Variants in PPARGC1B observed in about 807,000 individuals in gnomAD.
PPARGC1B encodes the protein peroxisome proliferator-activated receptor gamma coactivator 1-beta.
Under a neutral mutation model 101.6 loss-of-function variants are expected in PPARGC1B, and 34 were observed. The ratio of observed to expected loss-of-function variants is 0.33; its 90% CI spans 0.25 to 0.45. PPARGC1B has a LOEUF of 0.45. Ranked by LOEUF, PPARGC1B falls within the 20% of genes least tolerant of loss-of-function variation. The pLI, the probability that PPARGC1B is intolerant of heterozygous loss-of-function variation, is 1.00. For synonymous variants in PPARGC1B, 548 were observed against 539.3 expected, an observed-to-expected ratio of 1.02 and a Z score of -0.22; for missense variants, 1,234 against 1,317.6, an observed-to-expected ratio of 0.94 and a Z score of 0.98.
At position 149,808,847 on chromosome 5, in the gene PPARGC1B, T is replaced by G. The variant is rs572042150; in HGVS notation, c.79-11586T>G. Among the ~76,000 whole-genome samples, 10 of 152,310 alleles carry G rather than the reference T, an allele frequency of 6.6e-5. 1 individual carries two copies. The South Asian group carries it at 2.1e-3, about 32-fold the overall frequency. ...AACCCAGACACAGCCCCTGCTCACATGGAGCTGCCAGTTGTGGGAGGCAGC... is the reference window on the plus strand; with the variant it reads ...AACCCAGACACAGCCCCTGCTCACAGGGAGCTGCCAGTTGTGGGAGGCAGC... On this transcript the variant is annotated intron_variant, in intron 1 of 11. Transcript: ENST00000309241.
At chr5:149,827,612 G>A (rs1021899892) in intron 3 of PPARGC1B, among the ~76,000 whole-genome samples, 3 of 152,138 alleles carry the variant, frequency 2.0e-5, no homozygotes, top group African/African-American at 7.2e-5. Context: ...GAAATTCCTG[G>A]GTCTGTGGAT....
intron 1 of PPARGC1B, among the ~76,000 whole-genome samples, chr5:149,805,655 G>A (rs1303985513): frequency 6.6e-6 from 1 of 152,188 alleles, no homozygotes; most frequent in African/African-American, 2.4e-5. Flanking sequence ...GGCCAGGCTG[G>A]TCTCGAACTC....
chr5:149,760,653 A>G (rs989252636), intron 1 of PPARGC1B, among the ~76,000 whole-genome samples: 1 of 152,342 alleles, frequency 6.6e-6, no homozygotes, highest in South Asian at 2.1e-4. Context: ...TGGAGCCCAA[A>G]TGCTATGCTT....
At chr5:149,762,349 G>T (rs1238461316) in intron 1 of PPARGC1B, among the ~76,000 whole-genome samples, 1 of 152,052 alleles carries the variant, frequency 6.6e-6, no homozygotes, top group Non-Finnish European at 1.5e-5. Flanking sequence ...GTTTTACCAT[G>T]TAGCCCAGGC....
intron 1 of PPARGC1B, among the ~76,000 whole-genome samples, chr5:149,815,343 G>A (rs1467265413): frequency 2.0e-5 from 3 of 152,014 alleles, no homozygotes; most frequent in African/African-American, 7.3e-5. Flanking sequence ...GGGGCAATTG[G>A]GGCACAGAGA....
chr5:149,806,832 C>T (rs1581075795), intron 1 of PPARGC1B, among the ~76,000 whole-genome samples: 1 of 151,976 alleles, frequency 6.6e-6, no homozygotes, highest in East Asian at 1.9e-4. Flanking sequence ...CTCTCGAACT[C>T]CTGTCCTCAG....
At position 149,853,124 on chromosome 5, in the gene PPARGC1B, C is replaced by T. The variant is rs1042980701; in HGVS notation, c.*5566C>T. On this transcript the variant is annotated 3_prime_UTR_variant, in exon 12 of 12. Coordinates refer to ENST00000309241, the MANE Select transcript of PPARGC1B (RefSeq NM_133263.4). The surrounding 1 kb of genome is among the most constrained non-coding windows in gnomAD (Gnocchi z 4.2). ...AAAGCTTCCTTTTTCACTTGACCACCCTTGCTCATTGGTTACTTGTGAAGG... is the reference window on the plus strand; with the variant it reads ...AAAGCTTCCTTTTTCACTTGACCACTCTTGCTCATTGGTTACTTGTGAAGG... The T allele has an allele frequency of 2.0e-5, 3 of 152,130 alleles. No individual in the cohort carries two copies. The highest frequency in any genetic ancestry group is 7.2e-5 in the African/African-American group (3 of 41,398). 9.4% of individuals were successfully genotyped at this position (152,130 alleles called of 1,614,324 possible).
chr5:149,807,498 C>T (rs544065550), intron 1 of PPARGC1B, among the ~76,000 whole-genome samples: 9 of 152,298 alleles, frequency 5.9e-5, no homozygotes, highest in Non-Finnish European at 1.0e-4. Context: ...AGCGAGTAGA[C>T]TGCCAGAGGA....
At chr5:149,815,401 G>A (rs991732833) in intron 1 of PPARGC1B, among the ~76,000 whole-genome samples, 16 of 151,994 alleles carry the variant, frequency 1.1e-4, no homozygotes, top group African/African-American at 3.9e-4. Context: ...GGAGAAAATG[G>A]TCATGTACAA....
At chr5:149,758,641 A>G (rs964199828) in intron 1 of PPARGC1B, among the ~76,000 whole-genome samples, 1 of 152,164 alleles carries the variant, frequency 6.6e-6, no homozygotes, top group Non-Finnish European at 1.5e-5. Context: ...GGTACAACAC[A>G]TGCCCCCAGG....
chr5:149,842,236 C>G lies in PPARGC1B; in HGVS notation c.2695-20C>G, dbSNP rs1168584408. The G allele has an allele frequency of 1.2e-6, 2 of 1,610,948 alleles. No individual in the cohort carries two copies. The highest frequency in any genetic ancestry group is 1.7e-6 in the Non-Finnish European group (2 of 1,178,374). On this transcript the variant is annotated intron_variant, in intron 9 of 11. Transcript: ENST00000309241. ...AGCCAGGCAATGACGGAGTCTCTCT[C>G]TGTCCTCCTTCTTGGGCAGGGGGAA... is the stretch of plus-strand genomic sequence containing the variant.
At position 149,823,537 on chromosome 5, in the gene PPARGC1B, G is replaced by A. The variant is rs571462189; in HGVS notation, c.252+2931G>A. ...AGATCAGCTCAGGAAGACTGGGGGT[G>A]GGGCTGAGTCTATTAATATCCCTTC... On this transcript the variant is annotated intron_variant, in intron 2 of 11. Coordinates refer to ENST00000309241, the MANE Select transcript of PPARGC1B (RefSeq NM_133263.4). Among the ~76,000 whole-genome samples, 6 of 152,244 alleles carry A rather than the reference G, an allele frequency of 3.9e-5. No homozygotes were observed. In the South Asian group the frequency reaches 8.3e-4, roughly 21 times the overall value.
At chr5:149,800,418 G>A (rs1757394410) in intron 1 of PPARGC1B, among the ~76,000 whole-genome samples, 3 of 152,214 alleles carry the variant, frequency 2.0e-5, no homozygotes, top group Admixed American at 2.0e-4. Context: ...GGGGAGCTTT[G>A]ATAGGAGTGA....
intron 1 of PPARGC1B, among the ~76,000 whole-genome samples, chr5:149,765,453 C>T (rs1457224849): frequency 1.3e-5 from 2 of 152,114 alleles, no homozygotes; most frequent in African/African-American, 2.4e-5. Flanking sequence ...TACTCCTAGT[C>T]GAGAAAATGG....
intron 1 of PPARGC1B, among the ~76,000 whole-genome samples, chr5:149,805,978 G>A (rs1399921992): frequency 6.6e-6 from 1 of 152,268 alleles, no homozygotes; most frequent in Non-Finnish European, 1.5e-5. Context: ...CTGTGCAGCA[G>A]CAGGGGCAGC....
chr5:149,809,384 T>C (rs1281100824), intron 1 of PPARGC1B, among the ~76,000 whole-genome samples: 1 of 132,644 alleles, frequency 7.5e-6, no homozygotes, highest in African/African-American at 2.8e-5. Flanking sequence ...GATAGATAGA[T>C]AGATAGATCC....
chr5:149,744,536 G>A (rs1056937213), intron 1 of PPARGC1B, among the ~76,000 whole-genome samples: 6 of 152,188 alleles, frequency 3.9e-5, no homozygotes, highest in Admixed American at 2.0e-4. Context: ...TCTGTTCAGT[G>A]TTCTCCGAGA....
At chr5:149,758,970 G>T (rs1427773263) in intron 1 of PPARGC1B, among the ~76,000 whole-genome samples, 1 of 152,042 alleles carries the variant, frequency 6.6e-6, no homozygotes. Context: ...TATTACAAAA[G>T]AATTAAATCT....
chr5:149,784,502 C>T (rs989063238), intron 1 of PPARGC1B, among the ~76,000 whole-genome samples: 2 of 151,626 alleles, frequency 1.3e-5, no homozygotes, highest in African/African-American at 2.4e-5. Flanking sequence ...TCTGGCCCTG[C>T]ATACCTCACC....
Sources: allele counts gnomAD v4.1 joint callset (sites outside exome capture counted in the v4.1 genomes callset), GRCh38; gene constraint gnomAD v4.1.1; non-coding constraint Gnocchi (gnomAD v3.1); transcripts MANE v1.5; gene names NCBI Gene and HGNC (gene_info 2026-07-23, HGNC 2026-07-21).